MIGA1: variants seen among roughly 807,000 people sequenced by gnomAD.
The protein encoded by MIGA1 is mitoguardin 1, also known as family with sequence similarity 73, member A.
MIGA1 carries 58 observed loss-of-function variants against 82.0 expected under a neutral mutation model. That is an observed-to-expected ratio of 0.71 (90% CI 0.57 to 0.88). The LOEUF (loss-of-function observed/expected upper bound fraction) is 0.88, where lower values mean the gene tolerates loss of function less well. Among genes scored for constraint, MIGA1 ranks in the 40% least tolerant of loss-of-function variants. The pLI is 0.00. For synonymous variants in MIGA1, 249 were observed against 253.6 expected, an observed-to-expected ratio of 0.98 and a Z score of 0.17; for missense variants, 751 against 749.1, an observed-to-expected ratio of 1.00 and a Z score of -0.03.
At chr1:77,869,143 T>C (rs867412986) in intron 14 of MIGA1, among the ~76,000 whole-genome samples, 24 of 148,610 alleles carry the variant, frequency 1.6e-4, no homozygotes, top group African/African-American at 6.0e-4. Context: ...TGGTGATGAC[T>C]CTTAACGAGC....
chr1:77,826,106 T>G (rs1346684768), intron 7 of MIGA1, among the ~76,000 whole-genome samples: 1 of 152,202 alleles, frequency 6.6e-6, no homozygotes, highest in Non-Finnish European at 1.5e-5. Flanking sequence ...GTTTAAAAAT[T>G]TCATAGTTAT....
At chr1:77,824,788 G>C (rs1683965949) in intron 7 of MIGA1, among the ~76,000 whole-genome samples, 1 of 152,016 alleles carries the variant, frequency 6.6e-6, no homozygotes, top group Non-Finnish European at 1.5e-5. Flanking sequence ...GGCAGGGTTT[G>C]AATTATGTTT....
At chr1:77,796,697 C>T (rs550999963) in intron 2 of MIGA1, among the ~76,000 whole-genome samples, 3 of 152,326 alleles carry the variant, frequency 2.0e-5, no homozygotes, top group East Asian at 1.9e-4. Flanking sequence ...CTTAGGTCAG[C>T]GCCTTTCTTC....
rs969916760 is a variant in MIGA1, at chr1:77,877,401, T to C, written c.*2337T>C. The C allele has an allele frequency of 6.6e-6, 1 of 152,224 alleles. No individual in the cohort carries two copies. The highest frequency in any genetic ancestry group is 1.5e-5 in the Non-Finnish European group (1 of 68,028). 9.4% of individuals were successfully genotyped at this position (152,224 alleles called of 1,614,324 possible). A position where few individuals can be genotyped will look rare whatever the true frequency, so the allele number is the denominator to read the frequency against. On this transcript the variant is annotated 3_prime_UTR_variant, in exon 16 of 16. Transcript: ENST00000370791. ...AGCTCCTTGCCTTTTCTTACATAGA[T>C]GCTTAATTTAACAATTACCTATTTA... is the stretch of plus-strand genomic sequence containing the variant.
At chr1:77,871,748 C>T (rs544640843) in intron 14 of MIGA1, among the ~76,000 whole-genome samples, 67 of 152,062 alleles carry the variant, frequency 4.4e-4, no homozygotes, top group Non-Finnish European at 8.5e-4. Context: ...CAATTAAATG[C>T]TTAAATAATA....
intron 12 of MIGA1, among the ~76,000 whole-genome samples, chr1:77,862,502 C>T (rs1278780873): frequency 1.3e-5 from 2 of 152,114 alleles, no homozygotes; most frequent in Non-Finnish European, 2.9e-5. Flanking sequence ...CCTGTAATCC[C>T]AGCACTTTGG....
intron 7 of MIGA1, among the ~76,000 whole-genome samples, chr1:77,822,635 C>T (rs892637599): frequency 6.4e-4 from 97 of 152,174 alleles, no homozygotes; most frequent in African/African-American, 2.2e-3. Flanking sequence ...ACTTGCAAAT[C>T]ATTTTAGTAT....
At chr1:77,872,850 AG>A in intron 14 of MIGA1, 153 bp from the exon 15 acceptor site, 2 of 851,784 alleles carry the variant, frequency 2.3e-6, no homozygotes, top group Admixed American at 4.4e-5. Flanking sequence ...GCTTGAGGCC[AG>A]GAGTTTGAGG....
At chr1:77,832,030 G>T (rs1684263076) in intron 7 of MIGA1, among the ~76,000 whole-genome samples, 1 of 152,124 alleles carries the variant, frequency 6.6e-6, no homozygotes, top group African/African-American at 2.4e-5. Context: ...TTCATATTTT[G>T]TGTAGTTACA....
At chr1:77,836,495 G>A (rs767994554) in intron 7 of MIGA1, among the ~76,000 whole-genome samples, 5 of 152,182 alleles carry the variant, frequency 3.3e-5, no homozygotes, top group Non-Finnish European at 5.9e-5. Context: ...GATATATGTA[G>A]AGTAGAAACA....
At chr1:77,865,715 A>C (rs926382185) in intron 13 of MIGA1, among the ~76,000 whole-genome samples, 4 of 152,120 alleles carry the variant, frequency 2.6e-5, no homozygotes, top group African/African-American at 9.7e-5. Context: ...TAAAACTCTG[A>C]AAATTGAATC....
In MIGA1 at chr1:77,879,160, T is replaced by C. The variant is rs375435850; in HGVS notation, c.*4096T>C. 7.8e-5 allele frequency: 12 copies of C among 153,982 alleles called. No individual in the cohort carries two copies. The East Asian group carries it at 2.3e-3, about 29-fold the overall frequency. 9.5% of individuals were successfully genotyped at this position (153,982 alleles called of 1,614,324 possible). A position where few individuals can be genotyped will look rare whatever the true frequency, so the allele number is the denominator to read the frequency against. On this transcript the variant is annotated 3_prime_UTR_variant, in exon 16 of 16. Transcript: ENST00000370791. ...ACTTTTATTTTAATGTGAATATATA[T>C]TCAGAAATTATTTGATGTAAATTTC...
rs146709807 is a variant in MIGA1 at position 77,848,410 on chromosome 1, G to T, written c.996+5003G>T. On this transcript the variant is annotated intron_variant, in intron 8 of 15. Transcript: ENST00000370791. ...GAGCGTATGAAAGTAAGGAAAGAAA[G>T]ATATGAAAATAATGATAAATACAGA... 5.5e-4 allele frequency: 509 copies of T among 927,744 alleles called. 2 individuals are homozygous for T. In the African/African-American group the frequency reaches 7.0e-3, roughly 13 times the overall value. 57.5% of individuals were successfully genotyped at this position (927,744 alleles called of 1,614,324 possible). A position where few individuals can be genotyped will look rare whatever the true frequency, so the allele number is the denominator to read the frequency against.
rs761504361 is a variant in MIGA1 at position 77,803,336 on chromosome 1, C to T, written c.440C>T (p.Ser147Phe). Residue 147 changes from serine to phenylalanine, a missense_variant, in exon 4 of 16, where the codon TCT becomes TTT. Coordinates refer to ENST00000370791, the MANE Select transcript of MIGA1 (RefSeq NM_198549.4). Reference sequence around the variant, plus strand: ...TTAAGTTCTACCAAAGACAAAGGATCTCAAGTTTGTAACTATGCTAATGGA... The same window carrying T: ...TTAAGTTCTACCAAAGACAAAGGATTTCAAGTTTGTAACTATGCTAATGGA... 6.4e-7 allele frequency: 1 copy of T among 1,568,410 alleles called. No homozygotes were observed. Among genetic ancestry groups the T allele is most frequent in the Non-Finnish European group, 8.7e-7 (1 of 1,154,402 alleles).
At chr1:77,831,738 T>TTA (rs1684253909) in intron 7 of MIGA1, among the ~76,000 whole-genome samples, 1 of 152,172 alleles carries the variant, frequency 6.6e-6, no homozygotes, top group Admixed American at 6.6e-5. Context: ...ACATTATTCT[T>TTA]TACGCACTTT....
intron 7 of MIGA1, among the ~76,000 whole-genome samples, chr1:77,832,736 G>T (rs1684286874): frequency 6.6e-6 from 1 of 152,152 alleles, no homozygotes; most frequent in Non-Finnish European, 1.5e-5. Flanking sequence ...AGCTGGGCAG[G>T]ACATAAATTA....
intron 8 of MIGA1, among the ~76,000 whole-genome samples, chr1:77,856,674 T>C (rs976539890): frequency 6.6e-6 from 1 of 152,220 alleles, no homozygotes; most frequent in Non-Finnish European, 1.5e-5. Flanking sequence ...AAGGTGTTCA[T>C]AGTAACCTTG....
In MIGA1 at chr1:77,779,653, T is replaced by G. The variant is rs746883491; in HGVS notation, c.-3T>G. ...CTGACCCCGGAAGGACTCCGCCTTC[T>G]CCATGTCAGACTGCTGCTCAGCGCC... On this transcript the variant is annotated 5_prime_UTR_variant, in exon 1 of 16. Transcript: ENST00000370791. 2.5e-6 allele frequency: 4 copies of G among 1,576,758 alleles called. No homozygotes were observed. The African/African-American group carries it at 4.0e-5, about 16-fold the overall frequency.
chr1:77,828,929 A>C (rs1233393546), intron 7 of MIGA1, among the ~76,000 whole-genome samples: 2 of 152,136 alleles, frequency 1.3e-5, no homozygotes, highest in East Asian at 3.9e-4. Flanking sequence ...GTCCTGCCTC[A>C]GCCTCCCAAA....
Sources: gnomAD v4.1 joint callset for allele counts (sites outside exome capture counted in the v4.1 genomes callset) on GRCh38, gnomAD v4.1.1 for gene constraint, MANE v1.5 for transcripts, NCBI Gene and HGNC (gene_info 2026-07-23, HGNC 2026-07-21) for gene names.